The following SLC14A2 variants were observed in gnomAD, a reference collection of about 807,000 sequenced individuals.
SLC14A2 encodes the protein urea transporter 2.
Under a neutral mutation model 104.6 loss-of-function variants are expected in SLC14A2, and 91 were observed. The observed-to-expected ratio is 0.87, with a 90% CI of 0.73 to 1.04. The LOEUF (loss-of-function observed/expected upper bound fraction) is 1.04. Among genes scored for constraint, SLC14A2 ranks in the 50% least tolerant of loss-of-function variants. The pLI, the probability that SLC14A2 is intolerant of heterozygous loss-of-function variation, is 0.00. For missense variants in SLC14A2, 1,189 were observed against 1,156.0 expected (o/e 1.03, Z -0.41); for synonymous variants, 476 against 466.4 (o/e 1.02, Z -0.27).
chr18:45,183,726 CTCTTTCTTTCTTT>C, the SLC14A2 span, among the ~76,000 whole-genome samples: 2 of 148,438 alleles, frequency 1.3e-5, no homozygotes, highest in Non-Finnish European at 3.0e-5. Context: ...TTTTCTTTCT[CTCTTTCTTTCTTT>C]TCTTTCTTTC....
chr18:45,263,724 A>G (rs1482173150), intron 1 of SLC14A2, among the ~76,000 whole-genome samples: 1 of 152,100 alleles, frequency 6.6e-6, no homozygotes, highest in Non-Finnish European at 1.5e-5. Flanking sequence ...GCTGTTACAG[A>G]TCAGGTCATT....
chr18:45,256,570 G>T lies in SLC14A2; in HGVS notation c.-125+43379G>T, dbSNP rs151128560. ...GCTAAGGAACAGTTAAACTCAATTC[G>T]GTGGAAGGCATCTTAATGGATCATA... On this transcript the variant is annotated intron_variant, in intron 1 of 20. Coordinates refer to the SLC14A2 transcript ENST00000586448. Among the ~76,000 whole-genome samples, 1,231 of 152,200 alleles carry T rather than the reference G, an allele frequency of 8.1e-3. 5 individuals are homozygous for T. The highest frequency in any genetic ancestry group is 0.012 in the Non-Finnish European group (835 of 68,008).
At chr18:45,219,848 A>G (rs1406774384) in intron 1 of SLC14A2, among the ~76,000 whole-genome samples, 2 of 152,202 alleles carry the variant, frequency 1.3e-5, no homozygotes, top group African/African-American at 2.4e-5. Context: ...AGAATGAATG[A>G]GTGGGCAGTG....
intron 1 of SLC14A2, among the ~76,000 whole-genome samples, chr18:45,261,670 G>C (rs1172536173): frequency 6.6e-6 from 1 of 151,020 alleles, no homozygotes; most frequent in Non-Finnish European, 1.5e-5. Flanking sequence ...TTGGTTTTTT[G>C]TCCTTGTGGT....
At chr18:45,264,045 A>G (rs2084566757) in intron 1 of SLC14A2, among the ~76,000 whole-genome samples, 2 of 152,182 alleles carry the variant, frequency 1.3e-5, no homozygotes, top group African/African-American at 2.4e-5. Context: ...CATGTGCACT[A>G]TCTTTTCTAT....
In SLC14A2 at chr18:45,667,104, T is replaced by C. The variant is rs778872348; in HGVS notation, c.1717+10T>C. ...GGAGAGGGACTTAAAGGTAAAATTCTATGAGAACAACACTGACCCTGACCC... is the reference window on the plus strand; with the variant it reads ...GGAGAGGGACTTAAAGGTAAAATTCCATGAGAACAACACTGACCCTGACCC... On this transcript the variant is annotated intron_variant, in intron 13 of 19. Coordinates refer to ENST00000255226, the MANE Select transcript of SLC14A2 (RefSeq NM_007163.4). The C allele has an allele frequency of 6.2e-7, 1 of 1,610,860 alleles. No individual in the cohort carries two copies. The highest frequency in any genetic ancestry group is 1.7e-5 in the Admixed American group (1 of 59,858).
intron 1 of SLC14A2, among the ~76,000 whole-genome samples, chr18:45,459,140 G>C (rs2086996882): frequency 6.6e-6 from 1 of 152,250 alleles, no homozygotes; most frequent in East Asian, 1.9e-4. Context: ...CCCAGCAATG[G>C]AAAGGGCACC....
chr18:45,591,736 C>T (rs2044648814), intron 2 of SLC14A2, among the ~76,000 whole-genome samples: 1 of 152,194 alleles, frequency 6.6e-6, no homozygotes, highest in Admixed American at 6.5e-5. Flanking sequence ...TGCTTCTCTC[C>T]ACCAAAGGAG....
At chr18:45,259,540 G>A (rs2084514607) in intron 1 of SLC14A2, among the ~76,000 whole-genome samples, 1 of 152,114 alleles carries the variant, frequency 6.6e-6, no homozygotes, top group Non-Finnish European at 1.5e-5. Flanking sequence ...TTAGAAGTAT[G>A]TAAGTGAGAG....
intron 1 of SLC14A2, among the ~76,000 whole-genome samples, chr18:45,442,718 GA>G (rs1315565476): frequency 9.9e-5 from 15 of 151,704 alleles, no homozygotes; most frequent in Admixed American, 8.5e-4. Context: ...AGGCTTGTCA[GA>G]AAAAAAAGTG....
rs34058776 is a variant in SLC14A2 at position 45,318,806 on chromosome 18, G to A, written c.-125+105615G>A. ...CTGTCTAAAAAAAAAAAAAAAATTC[G>A]CAGGTCCTCCCCAGGCTGGGACATC... On this transcript the variant is annotated intron_variant, in intron 1 of 20. Coordinates refer to the SLC14A2 transcript ENST00000586448. 8.5e-3 allele frequency among the ~76,000 whole-genome samples: 1,283 copies of A among 151,242 alleles called. 7 individuals carry two copies. Among genetic ancestry groups the A allele is most frequent in the Non-Finnish European group, 0.013 (878 of 67,786 alleles).
At chr18:45,383,797 T>G (rs2085864616) in intron 1 of SLC14A2, among the ~76,000 whole-genome samples, 1 of 152,136 alleles carries the variant, frequency 6.6e-6, no homozygotes, top group Non-Finnish European at 1.5e-5. Flanking sequence ...AAAATAACCT[T>G]GCATGGCTGC....
At chr18:45,430,767 A>T (rs531828408) in intron 1 of SLC14A2, among the ~76,000 whole-genome samples, 1 of 152,054 alleles carries the variant, frequency 6.6e-6, no homozygotes, top group Admixed American at 6.6e-5. Context: ...TTTAGTAGAG[A>T]TGGAAAACCA....
At chr18:45,470,053 G>T (rs1170182428) in intron 1 of SLC14A2, among the ~76,000 whole-genome samples, 1 of 152,066 alleles carries the variant, frequency 6.6e-6, no homozygotes, top group Non-Finnish European at 1.5e-5. Context: ...TGAAGGAATT[G>T]TATTGCTCTC....
chr18:45,595,953 A>G (rs2044714239), intron 2 of SLC14A2, among the ~76,000 whole-genome samples: 1 of 152,220 alleles, frequency 6.6e-6, no homozygotes, highest in African/African-American at 2.4e-5. Context: ...AAATGAGGTC[A>G]CAGGGCCCAC....
At chr18:45,277,698 C>T (rs1018472457) in intron 1 of SLC14A2, among the ~76,000 whole-genome samples, 3 of 152,164 alleles carry the variant, frequency 2.0e-5, no homozygotes, top group East Asian at 1.9e-4. Flanking sequence ...CATGAGCCAC[C>T]GTGACCGGCC....
In SLC14A2 at chr18:45,564,212, A is replaced by G. The variant is rs561369891; in HGVS notation, c.-34-60419A>G. 5.7e-4 allele frequency among the ~76,000 whole-genome samples: 87 copies of G among 152,208 alleles called. 1 individual carries two copies. The highest frequency in any genetic ancestry group is 8.8e-4 in the Non-Finnish European group (60 of 68,028). ...TCGAGTGTATTCTTGACAAGAGAGA[A>G]CTTTTATTTTGATGAGGCAGTGATG... On this transcript the variant is annotated intron_variant, in intron 2 of 20. Coordinates refer to the SLC14A2 transcript ENST00000586448.
chr18:45,481,939 G>A (rs952529051), intron 1 of SLC14A2, among the ~76,000 whole-genome samples: 3 of 152,046 alleles, frequency 2.0e-5, no homozygotes, highest in Non-Finnish European at 2.9e-5. Flanking sequence ...TCTTTCCTGG[G>A]TTCTTGTTTG....
intron 1 of SLC14A2, among the ~76,000 whole-genome samples, chr18:45,463,252 G>A (rs901460539): frequency 3.3e-5 from 5 of 152,164 alleles, no homozygotes; most frequent in African/African-American, 4.8e-5. Context: ...GAGGCAGTTG[G>A]GTAGCCTGGT....
Sources: gnomAD v4.1 joint callset for allele counts (sites outside exome capture counted in the v4.1 genomes callset) on GRCh38, gnomAD v4.1.1 for gene constraint, MANE v1.5 for transcripts, NCBI Gene and HGNC (gene_info 2026-07-23, HGNC 2026-07-21) for gene names.